PREX1: variants seen among roughly 807,000 people sequenced by gnomAD.
PREX1 encodes phosphatidylinositol-3,4,5-trisphosphate dependent Rac exchange factor 1.
A neutral mutation model predicts 198.3 loss-of-function variants in PREX1; 41 were observed. The observed-to-expected ratio is 0.21, with a 90% CI of 0.16 to 0.27. The LOEUF is 0.27. Ranked by LOEUF, PREX1 falls within the 10% of genes least tolerant of loss-of-function variation. The pLI is 1.00. For synonymous variants in PREX1, 843 were observed against 887.2 expected (o/e 0.95, Z 0.89); for missense variants, 1,620 against 2,200.7 (o/e 0.74, Z 5.28).
the PREX1 span, among the ~76,000 whole-genome samples, chr20:48,879,099 A>C: frequency 6.6e-6 from 1 of 152,130 alleles, no homozygotes; most frequent in Non-Finnish European, 1.5e-5. Context: ...TGTAGTAGGT[A>C]CCCTTCTTTG....
intron 14 of PREX1, among the ~76,000 whole-genome samples, chr20:48,668,146 CGTGT>C (rs35147704): frequency 4.0e-5 from 6 of 151,332 alleles, no homozygotes; most frequent in African/African-American, 7.3e-5. Context: ...GTGTGTGACA[CGTGT>C]GTGTGTGTGT....
At chr20:48,884,956 T>C in the PREX1 span, among the ~76,000 whole-genome samples, 10 of 152,156 alleles carry the variant, frequency 6.6e-5, 1 homozygote, top group African/African-American at 2.2e-4. Context: ...ATCTGGATAA[T>C]GTCCATGCAT....
rs1457344239 is a variant in PREX1, at chr20:48,734,658, A to C, written c.415-8T>G. 6.2e-7 allele frequency: 1 copy of C among 1,613,260 alleles called. No homozygotes were observed. The highest frequency in any genetic ancestry group is 1.7e-5 in the Admixed American group (1 of 60,018). ...CACGCAGAACTTGTCCTTCTGCAAG[A>C]CAAGGACAGAGCCTGTGGGAGGCAG... On this transcript the variant is annotated splice_polypyrimidine_tract_variant and splice_region_variant and intron_variant, in intron 3 of 39. Transcript: ENST00000371941.
the PREX1 span, among the ~76,000 whole-genome samples, chr20:48,841,287 T>C: frequency 6.6e-6 from 1 of 152,190 alleles, no homozygotes; most frequent in East Asian, 1.9e-4. Context: ...AGCCAGAAAG[T>C]AAGTATTTTT....
intron 1 of PREX1, among the ~76,000 whole-genome samples, chr20:48,806,980 T>C (rs1048296994): frequency 2.0e-5 from 3 of 152,144 alleles, no homozygotes; most frequent in Admixed American, 6.5e-5. Flanking sequence ...CATTCATCCA[T>C]GGAACAGTCA....
At chr20:48,830,636 T>C (rs1486010592), upstream of PREX1, among the ~76,000 whole-genome samples, 1 of 152,368 alleles carries the variant, frequency 6.6e-6, no homozygotes, top group Admixed American at 6.5e-5. Context: ...CCCCAATGTT[T>C]TATACATCGT....
At chr20:48,639,566 A>G (rs1274294716) in intron 30 of PREX1, among the ~76,000 whole-genome samples, 200 bp downstream of exon 30, 1 of 152,106 alleles carries the variant, frequency 6.6e-6, no homozygotes, top group African/African-American at 2.4e-5. Context: ...TATGTTGCCC[A>G]GGTCTCAAAC....
chr20:48,710,966 T>C (rs1355775107), intron 5 of PREX1, among the ~76,000 whole-genome samples: 1 of 152,168 alleles, frequency 6.6e-6, no homozygotes, highest in African/African-American at 2.4e-5. Context: ...AGTGGGGTGT[T>C]TGGGTTTCCT....
intron 25 of PREX1, among the ~76,000 whole-genome samples, chr20:48,646,688 A>AG (rs1568800067): frequency 6.6e-6 from 1 of 151,910 alleles, no homozygotes; most frequent in African/African-American, 2.4e-5. Flanking sequence ...AAAAAAAAAA[A>AG]AAAAGAAAAG....
At chr20:48,729,281 C>T (rs1181294728) in intron 4 of PREX1, among the ~76,000 whole-genome samples, 2 of 152,032 alleles carry the variant, frequency 1.3e-5, no homozygotes, top group African/African-American at 2.4e-5. Flanking sequence ...TTTGCCATGT[C>T]ATCTAGGCTG....
intron 29 of PREX1, among the ~76,000 whole-genome samples, chr20:48,640,904 T>G (rs189709406): frequency 6.9e-6 from 1 of 144,310 alleles, no homozygotes; most frequent in African/African-American, 2.6e-5. Context: ...GGTGGGTGGA[T>G]GGATAGATGG....
rs182571655 is a variant in PREX1, at chr20:48,797,079, C to A, written c.219+30563G>T. 2.0e-5 allele frequency among the ~76,000 whole-genome samples: 3 copies of A among 151,692 alleles called. No homozygotes were observed. The East Asian group carries it at 5.8e-4, about 29-fold the overall frequency. ...TTGTACATTTTGCATACAAGATATA[C>A]CTAAAATAATTAAAATTTTAAAATT... On this transcript the variant is annotated intron_variant, in intron 1 of 39. Transcript: ENST00000371941.
chr20:48,626,963 C>T (rs1238185995), intron 39 of PREX1, among the ~76,000 whole-genome samples: 1 of 152,172 alleles, frequency 6.6e-6, no homozygotes, highest in African/African-American at 2.4e-5. Context: ...CTGAAAACCA[C>T]ATGAAGAGAG....
At chr20:48,779,239 A>G (rs1456241545) in intron 1 of PREX1, among the ~76,000 whole-genome samples, 1 of 152,244 alleles carries the variant, frequency 6.6e-6, no homozygotes, top group Non-Finnish European at 1.5e-5. Context: ...TGCACATGAA[A>G]AGATAGGCAG....
At chr20:48,774,147 AT>A (rs2090250249) in intron 1 of PREX1, among the ~76,000 whole-genome samples, 1 of 152,240 alleles carries the variant, frequency 6.6e-6, no homozygotes, top group Non-Finnish European at 1.5e-5. Flanking sequence ...AATCTCGGAC[AT>A]TTTAAGTCTG....
At chr20:48,843,239 G>A in the PREX1 span, among the ~76,000 whole-genome samples, 22,448 of 152,146 alleles carry the variant, frequency 0.15, 1,864 homozygotes, top group African/African-American at 0.22. Flanking sequence ...ATCTAAGCCT[G>A]TCTAACTTCG....
chr20:48,656,108 C>T (rs1160274479), intron 18 of PREX1, among the ~76,000 whole-genome samples: 1 of 152,198 alleles, frequency 6.6e-6, no homozygotes, highest in Non-Finnish European at 1.5e-5. Context: ...CCTAAGTCAG[C>T]TCGCCTTTTT....
intron 34 of PREX1, 24 bp from the exon 35 acceptor site, chr20:48,632,415 G>T: frequency 6.2e-7 from 1 of 1,613,112 alleles, no homozygotes; most frequent in Non-Finnish European, 8.5e-7. Flanking sequence ...TGTCGGGGGC[G>T]GGCAGGCGGT....
chr20:48,641,842 GGA>G (rs370481585), intron 29 of PREX1, among the ~76,000 whole-genome samples: 1,263 of 14,194 alleles, frequency 0.089, 11 homozygotes, highest in Middle Eastern at 0.15. Context: ...GAGAGAGAGA[GGA>G]AGGAAGGAAG....
Sources: allele counts gnomAD v4.1 joint callset (sites outside exome capture counted in the v4.1 genomes callset), GRCh38; gene constraint gnomAD v4.1.1; transcripts MANE v1.5; gene names NCBI Gene and HGNC (gene_info 2026-07-23, HGNC 2026-07-21).